Variants in LMNTD1 observed in about 807,000 individuals in gnomAD.
LMNTD1 encodes lamin tail domain containing 1.
In LMNTD1, 35 loss-of-function variants were observed where a neutral mutation model predicts 50.9. That is an observed-to-expected ratio of 0.69 (90% CI 0.53 to 0.91). The LOEUF is 0.91. Ranked by LOEUF, LMNTD1 falls within the 40% of genes least tolerant of loss-of-function variation. The pLI, the probability that LMNTD1 is intolerant of heterozygous loss-of-function variation, is 0.00. For missense variants in LMNTD1, 470 were observed against 475.5 expected, an observed-to-expected ratio of 0.99 and a Z score of 0.11; for synonymous variants, 153 against 161.9, an observed-to-expected ratio of 0.94 and a Z score of 0.42.
rs1163311428 is a variant in LMNTD1, at chr12:25,546,429, T to A, written c.436A>T (p.Lys146Ter). The change falls in exon 4 of 10, where the codon AAA becomes TAA. Residue 146 changes from lysine to a stop codon, truncating the protein, a stop_gained. Transcript: ENST00000458174. LOFTEE classifies it high-confidence loss of function. ...ATCATAGAAAAGTATTTTAAAGTTT[T>A]CTGAGTGTAGTTTGAGTGTGCTGTA... is the stretch of plus-strand genomic sequence containing the variant. ...KLTAHSNYTQKTLKYFSMILE... is the reference protein window; with the variant it reads ...KLTAHSNYTQ The A allele has an allele frequency of 6.3e-7, 1 of 1,598,084 alleles. No individual in the cohort carries two copies. Among genetic ancestry groups the A allele is most frequent in the Non-Finnish European group, 8.5e-7 (1 of 1,171,560 alleles).
intron 1 of LMNTD1, among the ~76,000 whole-genome samples, chr12:25,633,315 G>A (rs1946760314): frequency 6.6e-6 from 1 of 151,642 alleles, no homozygotes; most frequent in Non-Finnish European, 1.5e-5. Context: ...CTGTATCTTG[G>A]AACAGATGGA....
At chr12:25,525,891 C>T (rs1232080883) in intron 6 of LMNTD1, among the ~76,000 whole-genome samples, 2 of 152,082 alleles carry the variant, frequency 1.3e-5, no homozygotes, top group East Asian at 1.9e-4. Context: ...CCAAACACCA[C>T]ATGCTCCCCC....
chr12:25,576,420 C>G (rs1335555742), intron 1 of LMNTD1, among the ~76,000 whole-genome samples: 3 of 152,084 alleles, frequency 2.0e-5, no homozygotes, highest in Non-Finnish European at 4.4e-5. Context: ...GTGGTTTTGA[C>G]TTGCATTTCT....
At chr12:25,492,130 G>A (rs1214334498) in intron 9 of LMNTD1, among the ~76,000 whole-genome samples, 2 of 152,176 alleles carry the variant, frequency 1.3e-5, no homozygotes, top group African/African-American at 4.8e-5. Flanking sequence ...GGCAAAACCA[G>A]CAGGACAAGT....
intron 1 of LMNTD1, among the ~76,000 whole-genome samples, chr12:25,574,401 T>C (rs1565493136): frequency 6.6e-6 from 1 of 152,164 alleles, no homozygotes; most frequent in African/African-American, 2.4e-5. Flanking sequence ...TGACAACATT[T>C]TTCCCACACC....
chr12:25,539,742 A>G (rs1942907503), intron 4 of LMNTD1, among the ~76,000 whole-genome samples: 1 of 134,596 alleles, frequency 7.4e-6, no homozygotes, highest in Non-Finnish European at 1.6e-5. Context: ...AACTGAAGGA[A>G]ATAGAGACAC....
chr12:25,514,533 A>G (rs1705409), intron 8 of LMNTD1, among the ~76,000 whole-genome samples: 140,253 of 151,262 alleles, frequency 0.93, 65,484 homozygotes, highest in East Asian at 0.98. Context: ...TTTGCAGGGC[A>G]GGGAGGTAAG....
chr12:25,577,847 G>A (rs2010772), intron 1 of LMNTD1, among the ~76,000 whole-genome samples: 25,246 of 151,980 alleles, frequency 0.17, 2,496 homozygotes, highest in East Asian at 0.35. Context: ...AATAGATTCT[G>A]CGCGTGTGAG....
chr12:25,553,158 T>C lies in LMNTD1; in HGVS notation c.-120A>G. On this transcript the variant is annotated 5_prime_UTR_variant, in exon 1 of 10. Transcript: ENST00000458174. ...GAACCACAATTCTCATGAGGATATG[T>C]AAGTACCAACATAGCCAATCCTGAT... The C allele has an allele frequency of 6.2e-7, 1 of 1,608,742 alleles. No homozygotes were observed.
At chr12:25,648,406 TA>T in intron 1 of LMNTD1, 1 of 1,065,222 alleles carries the variant, frequency 9.4e-7, no homozygotes. Flanking sequence ...GACCACTTTC[TA>T]AAGTGTCAGG....
At chr12:25,563,560 G>T (rs1944424580) in intron 1 of LMNTD1, among the ~76,000 whole-genome samples, 1 of 152,184 alleles carries the variant, frequency 6.6e-6, no homozygotes, top group South Asian at 2.1e-4. Flanking sequence ...CCCCTACTGG[G>T]AGATGTCTCC....
intron 4 of LMNTD1, among the ~76,000 whole-genome samples, chr12:25,538,174 C>A (rs1942758668): frequency 1.3e-5 from 1 of 78,168 alleles, no homozygotes; most frequent in Admixed American, 1.5e-4. Context: ...GGAGAATTTC[C>A]CCAATCTAGC....
chr12:25,631,746 A>T (rs948462418), intron 1 of LMNTD1, among the ~76,000 whole-genome samples: 10 of 152,156 alleles, frequency 6.6e-5, no homozygotes, highest in African/African-American at 2.2e-4. Context: ...AGGCCCTTTG[A>T]CACCCCCCAA....
At chr12:25,596,249 G>A (rs542820930) in intron 1 of LMNTD1, among the ~76,000 whole-genome samples, 1 of 151,950 alleles carries the variant, frequency 6.6e-6, no homozygotes, top group South Asian at 2.1e-4. Context: ...CCTAATAACA[G>A]AACCAGGAAA....
chr12:25,565,076 A>G (rs1000259070), intron 1 of LMNTD1, among the ~76,000 whole-genome samples: 7 of 152,060 alleles, frequency 4.6e-5, no homozygotes, highest in Non-Finnish European at 7.4e-5. Context: ...CCATTGGCAT[A>G]TAATATCTTT....
intron 8 of LMNTD1, among the ~76,000 whole-genome samples, chr12:25,508,963 A>G (rs1940040700): frequency 1.3e-5 from 2 of 151,998 alleles, no homozygotes; most frequent in African/African-American, 4.8e-5. Context: ...TGATTATATA[A>G]TTTTCCTCTT....
chr12:25,603,800 T>C (rs912132934), intron 1 of LMNTD1, among the ~76,000 whole-genome samples: 1 of 151,966 alleles, frequency 6.6e-6, no homozygotes, highest in African/African-American at 2.4e-5. Flanking sequence ...CTATTTGTGG[T>C]GGTATCTGAA....
chr12:25,621,147 T>G (rs1385139646), intron 1 of LMNTD1, among the ~76,000 whole-genome samples: 3 of 152,202 alleles, frequency 2.0e-5, no homozygotes, highest in African/African-American at 2.4e-5. Context: ...CCTAGAACAG[T>G]GCCTGGCTTA....
intron 8 of LMNTD1, among the ~76,000 whole-genome samples, chr12:25,514,534 G>A (rs1013382593): frequency 6.9e-6 from 1 of 143,988 alleles, no homozygotes; most frequent in Non-Finnish European, 1.5e-5. Flanking sequence ...TTGCAGGGCA[G>A]GGAGGTAAGG....
Sources: allele counts gnomAD v4.1 joint callset (sites outside exome capture counted in the v4.1 genomes callset), GRCh38; gene constraint gnomAD v4.1.1; transcripts MANE v1.5; gene names NCBI Gene and HGNC (gene_info 2026-07-23, HGNC 2026-07-21).